Variants in KIRREL3 observed in about 807,000 individuals in gnomAD.
KIRREL3 encodes the protein kirre like nephrin family adhesion molecule 3, also known as kin of IRRE-like protein 3.
KIRREL3 carries 36 observed loss-of-function variants against 89.7 expected under a neutral mutation model. That is an observed-to-expected ratio of 0.40 (90% CI 0.31 to 0.53). The LOEUF is 0.53. Among genes scored for constraint, KIRREL3 ranks in the 20% least tolerant of loss-of-function variants. The pLI is 0.49. For synonymous variants in KIRREL3, 445 were observed against 441.4 expected, an observed-to-expected ratio of 1.01 and a Z score of -0.10; for missense variants, 864 against 1,056.6, an observed-to-expected ratio of 0.82 and a Z score of 2.53.
Position 126,860,898 on chromosome 11 carries a change from G to A in KIRREL3, c.55+139557C>T, listed in dbSNP as rs1473191993. Among the ~76,000 whole-genome samples, 3 of 152,166 alleles carry A rather than the reference G, an allele frequency of 2.0e-5. No individual in the cohort carries two copies. Among genetic ancestry groups the A allele is most frequent in the African/African-American group, 7.2e-5 (3 of 41,446 alleles). On this transcript the variant is annotated intron_variant, in intron 1 of 16. Coordinates refer to ENST00000525144, the MANE Select transcript of KIRREL3 (RefSeq NM_032531.4). The surrounding 1 kb of genome is among the most constrained non-coding windows in gnomAD (Gnocchi z 4.6). The stretch of plus-strand genomic sequence containing the variant: ...CAGTTTCAGAAATACTACCTCCTTT[G>A]TACCACTCTTGGTACGTGCCACCTC...
intron 1 of KIRREL3, among the ~76,000 whole-genome samples, chr11:126,942,365 A>G (rs1273557312): frequency 6.6e-6 from 1 of 152,082 alleles, no homozygotes; most frequent in Non-Finnish European, 1.5e-5. Context: ...TGAAAAACAT[A>G]CTTTCTCATG....
At chr11:126,481,667 A>T (rs1024742924) in intron 4 of KIRREL3, among the ~76,000 whole-genome samples, 5 of 152,302 alleles carry the variant, frequency 3.3e-5, no homozygotes, top group Admixed American at 6.5e-5. Context: ...TATCGCTCAG[A>T]TTTGTCTCTT....
chr11:126,660,701 C>T (rs142731977), intron 1 of KIRREL3, among the ~76,000 whole-genome samples: 90 of 152,302 alleles, frequency 5.9e-4, no homozygotes, highest in African/African-American at 2.0e-3. Flanking sequence ...CAGCATGTCA[C>T]ATTGATTGCC....
chr11:126,556,322 A>G (rs1027854299), intron 2 of KIRREL3, among the ~76,000 whole-genome samples: 1 of 152,042 alleles, frequency 6.6e-6, no homozygotes, highest in African/African-American at 2.4e-5. Context: ...AGGACTGGAT[A>G]TGAGTGTGAG....
chr11:126,594,367 A>G lies in KIRREL3; in HGVS notation c.56-31455T>C, dbSNP rs1036422486. On this transcript the variant is annotated intron_variant, in intron 1 of 16. Transcript: ENST00000525144. This position sits in a 1 kb window ranked among gnomAD's most constrained non-coding sequence, Gnocchi z 5.0. ...TGAATTCCATCTCCCTCACTGGACCAGAAGCTCCTCGAGGAAACTCTGCGC... is the reference window on the plus strand; with the variant it reads ...TGAATTCCATCTCCCTCACTGGACCGGAAGCTCCTCGAGGAAACTCTGCGC... 6.6e-6 allele frequency among the ~76,000 whole-genome samples: 1 copy of G among 152,194 alleles called. No individual in the cohort carries two copies. Among genetic ancestry groups the G allele is most frequent in the African/African-American group, 2.4e-5 (1 of 41,448 alleles).
intron 1 of KIRREL3, among the ~76,000 whole-genome samples, chr11:126,700,057 G>C (rs1020681508): frequency 3.6e-4 from 55 of 152,244 alleles, no homozygotes; most frequent in Admixed American, 9.2e-4. Flanking sequence ...CATTGAGCGT[G>C]GTGGCTCATG....
In KIRREL3 at chr11:126,575,635, G is replaced by T. The variant is rs1281237730; in HGVS notation, c.56-12723C>A. On this transcript the variant is annotated intron_variant, in intron 1 of 16. Transcript: ENST00000525144. The surrounding 1 kb of genome is among the most constrained non-coding windows in gnomAD (Gnocchi z 7.0). ...CTCTAAGATTAGCCTGAGGAATCCA[G>T]TTCTGTAGCTTGAATAGAGACTGCT... Among the ~76,000 whole-genome samples the T allele has an allele frequency of 6.6e-6, 1 of 152,164 alleles. No individual in the cohort carries two copies. Among genetic ancestry groups the T allele is most frequent in the Non-Finnish European group, 1.5e-5 (1 of 68,028 alleles).
chr11:126,608,685 G>A lies in KIRREL3; in HGVS notation c.56-45773C>T, dbSNP rs1203298548. 6.6e-6 allele frequency among the ~76,000 whole-genome samples: 1 copy of A among 152,200 alleles called. No homozygotes were observed. The highest frequency in any genetic ancestry group is 1.5e-5 in the Non-Finnish European group (1 of 68,038). Reference sequence around the variant, plus strand: ...CCCAGCCCTCCCTGGCTAAGGGATGGTGGTCCCAGAGGCACTGAGGACTCC... The same window carrying A: ...CCCAGCCCTCCCTGGCTAAGGGATGATGGTCCCAGAGGCACTGAGGACTCC... On this transcript the variant is annotated intron_variant, in intron 1 of 16. Coordinates refer to ENST00000525144, the MANE Select transcript of KIRREL3 (RefSeq NM_032531.4). The surrounding 1 kb of genome is among the most constrained non-coding windows in gnomAD (Gnocchi z 4.9).
At chr11:126,998,022 C>T (rs1479523216) in intron 1 of KIRREL3, among the ~76,000 whole-genome samples, 3 of 152,076 alleles carry the variant, frequency 2.0e-5, no homozygotes, top group Non-Finnish European at 4.4e-5. Flanking sequence ...CCTCAGGCCT[C>T]ATTCTGGGGG....
intron 1 of KIRREL3, among the ~76,000 whole-genome samples, chr11:126,831,750 G>A (rs1943616297): frequency 6.6e-6 from 1 of 152,028 alleles, no homozygotes; most frequent in Non-Finnish European, 1.5e-5. Flanking sequence ...TTTCCTGAGG[G>A]GATCCTAATG....
chr11:126,743,179 A>C (rs1949036211), intron 1 of KIRREL3, among the ~76,000 whole-genome samples: 1 of 152,052 alleles, frequency 6.6e-6, no homozygotes, highest in Non-Finnish European at 1.5e-5. Flanking sequence ...ACAAACAAAA[A>C]AAACAGCACA....
intron 1 of KIRREL3, among the ~76,000 whole-genome samples, chr11:126,933,063 C>T (rs899887584): frequency 6.6e-6 from 1 of 152,194 alleles, no homozygotes. Flanking sequence ...GCCCCTGTTA[C>T]TCCATCTGCA....
chr11:126,921,270 T>A (rs1411627848), intron 1 of KIRREL3, among the ~76,000 whole-genome samples: 1 of 152,216 alleles, frequency 6.6e-6, no homozygotes, highest in African/African-American at 2.4e-5. Flanking sequence ...ACCTTGGGCA[T>A]GGACTGAGCC....
intron 4 of KIRREL3, among the ~76,000 whole-genome samples, chr11:126,511,582 C>T (rs375665583): frequency 1.1e-4 from 16 of 152,210 alleles, no homozygotes; most frequent in African/African-American, 3.4e-4. Flanking sequence ...GTGTCCTATC[C>T]TGCCCCGAAA....
Position 126,976,007 on chromosome 11 carries a change from G to A in KIRREL3, c.55+24448C>T, listed in dbSNP as rs1283226883. 1.3e-5 allele frequency among the ~76,000 whole-genome samples: 2 copies of A among 148,644 alleles called. No individual in the cohort carries two copies. Among genetic ancestry groups the A allele is most frequent in the Non-Finnish European group, 3.0e-5 (2 of 67,532 alleles). On this transcript the variant is annotated intron_variant, in intron 1 of 16. Coordinates refer to ENST00000525144, the MANE Select transcript of KIRREL3 (RefSeq NM_032531.4). This position sits in a 1 kb window ranked among gnomAD's most constrained non-coding sequence, Gnocchi z 4.2. ...ATGCCCCAGTTTGTAAATGGCTAAG[G>A]TGTGGCTCTCAGGACAGAGCATACC...
At position 126,684,098 on chromosome 11, in the gene KIRREL3, C is replaced by T. The variant is rs1284102509; in HGVS notation, c.56-121186G>A. ...CCCTGCCACCTGCTCAGTGGGATGG[C>T]ATCTTGGGGGAGCACCTTGGGCAGG... On this transcript the variant is annotated intron_variant, in intron 1 of 16. Transcript: ENST00000525144. This position sits in a 1 kb window ranked among gnomAD's most constrained non-coding sequence, Gnocchi z 4.2. Among the ~76,000 whole-genome samples, 1 of 152,194 alleles carries T rather than the reference C, an allele frequency of 6.6e-6. No homozygotes were observed. The highest frequency in any genetic ancestry group is 2.4e-5 in the African/African-American group (1 of 41,458).
intron 1 of KIRREL3, among the ~76,000 whole-genome samples, chr11:126,914,407 C>G (rs918867529): frequency 6.6e-6 from 1 of 152,180 alleles, no homozygotes; most frequent in Non-Finnish European, 1.5e-5. Context: ...AATTTATAAA[C>G]ACAGCAAGCA....
At chr11:126,775,361 G>T (rs1284868687) in intron 1 of KIRREL3, among the ~76,000 whole-genome samples, 1 of 152,174 alleles carries the variant, frequency 6.6e-6, no homozygotes, top group African/African-American at 2.4e-5. Flanking sequence ...TTCCTGCCAG[G>T]ATGGACACTT....
intron 7 of KIRREL3, among the ~76,000 whole-genome samples, chr11:126,452,901 A>C (rs78103604): frequency 0.17 from 25,719 of 152,098 alleles, 2,698 homozygotes; most frequent in East Asian, 0.41. Context: ...GGTCCCTGCC[A>C]AAAGCACAGA....
Sources: allele counts gnomAD v4.1 joint callset (sites outside exome capture counted in the v4.1 genomes callset), GRCh38; gene constraint gnomAD v4.1.1; non-coding constraint Gnocchi (gnomAD v3.1); transcripts MANE v1.5; gene names NCBI Gene and HGNC (gene_info 2026-07-23, HGNC 2026-07-21).